Variants in SNTB1 observed in about 807,000 individuals in gnomAD.
The protein encoded by SNTB1 is beta-1-syntrophin.
A neutral mutation model predicts 48.9 loss-of-function variants in SNTB1; 36 were observed. The ratio of observed to expected loss-of-function variants is 0.74; its 90% confidence interval spans 0.56 to 0.97. The LOEUF is 0.97. Among genes scored for constraint, SNTB1 ranks in the 50% least tolerant of loss-of-function variants. The probability of loss-of-function intolerance (pLI) is 0.00; values close to 1 mark genes in which losing one functional copy is unlikely to be tolerated. For synonymous variants in SNTB1, 299 were observed against 294.6 expected (o/e 1.01, Z -0.15); for missense variants, 786 against 703.4 (o/e 1.12, Z -1.33).
intron 1 of SNTB1, among the ~76,000 whole-genome samples, chr8:120,751,110 G>A (rs1169055803): frequency 6.6e-6 from 1 of 152,164 alleles, no homozygotes; most frequent in African/African-American, 2.4e-5. Context: ...TCACAGAATG[G>A]AGAAGTTCTG....
chr8:120,752,399 G>T (rs749365618), intron 1 of SNTB1, among the ~76,000 whole-genome samples: 1 of 152,008 alleles, frequency 6.6e-6, no homozygotes. Context: ...TAACTTCCCT[G>T]ACCACCCTCA....
At position 120,812,010 on chromosome 8, in the gene SNTB1, A is replaced by C; in HGVS notation, c.-167T>G. On this transcript the variant is annotated 5_prime_UTR_variant, in exon 1 of 7. Transcript: ENST00000517992. Reference sequence around the variant, plus strand: ...GGAGTTCGCAGACGCACTCGGCGGGAGTTGGCAGCTGCACTCAGGCTGGTT... The same window carrying C: ...GGAGTTCGCAGACGCACTCGGCGGGCGTTGGCAGCTGCACTCAGGCTGGTT... 2.4e-6 allele frequency: 3 copies of C among 1,267,236 alleles called. No homozygotes were observed. The highest frequency in any genetic ancestry group is 3.0e-6 in the Non-Finnish European group (3 of 1,012,326). The allele number at this position is 1,267,236 out of a possible 1,614,324, so 78.5% of individuals were successfully genotyped here.
chr8:120,731,654 A>G (rs917549474), intron 1 of SNTB1, among the ~76,000 whole-genome samples: 4 of 152,226 alleles, frequency 2.6e-5, no homozygotes, highest in Admixed American at 2.0e-4. Context: ...CTCATTTTAC[A>G]TGGCAGGGGC....
intron 2 of SNTB1, among the ~76,000 whole-genome samples, chr8:120,692,458 C>T (rs888012429): frequency 3.3e-5 from 5 of 152,250 alleles, no homozygotes; most frequent in Non-Finnish European, 7.4e-5. Flanking sequence ...TTTGCTGGCT[C>T]GATCCCTCGC....
At chr8:120,658,703 G>A (rs942435135) in intron 2 of SNTB1, among the ~76,000 whole-genome samples, 12 of 152,176 alleles carry the variant, frequency 7.9e-5, no homozygotes, top group African/African-American at 2.9e-4. Flanking sequence ...TCTTTTTGCT[G>A]GTGGAGGGCC....
At chr8:120,556,154 T>C (rs573536441) in intron 4 of SNTB1, among the ~76,000 whole-genome samples, 1 of 152,212 alleles carries the variant, frequency 6.6e-6, no homozygotes, top group African/African-American at 2.4e-5. Context: ...AAATACTGTC[T>C]CCCCTCCTAA....
At chr8:120,810,720 T>C (rs1820410232) in intron 1 of SNTB1, among the ~76,000 whole-genome samples, 1 of 152,128 alleles carries the variant, frequency 6.6e-6, no homozygotes, top group East Asian at 1.9e-4. Flanking sequence ...AGAAGGATAG[T>C]CGGAGTTTTA....
intron 3 of SNTB1, among the ~76,000 whole-genome samples, chr8:120,593,917 C>G (rs1437264381): frequency 6.6e-6 from 1 of 152,094 alleles, no homozygotes; most frequent in Non-Finnish European, 1.5e-5. Context: ...TGGCATCAGG[C>G]AGGGGAGAGA....
At chr8:120,603,126 G>C (rs770978771) in intron 3 of SNTB1, among the ~76,000 whole-genome samples, 1 of 149,934 alleles carries the variant, frequency 6.7e-6, no homozygotes, top group East Asian at 1.9e-4. Flanking sequence ...TTTTTGAGAC[G>C]GGGTTTCGCT....
At chr8:120,762,133 C>T (rs1819431036) in intron 1 of SNTB1, among the ~76,000 whole-genome samples, 1 of 152,184 alleles carries the variant, frequency 6.6e-6, no homozygotes. Context: ...TTTGATTACT[C>T]ATTATGTCCT....
In SNTB1 at chr8:120,794,637, G is replaced by T. The variant is rs938416896; in HGVS notation, c.571+16636C>A. 5.9e-5 allele frequency among the ~76,000 whole-genome samples: 9 copies of T among 152,120 alleles called. No individual in the cohort carries two copies. In the South Asian group the frequency reaches 1.9e-3, roughly 32 times the overall value. ...ATTCTTTGATTTTCACTTGGTAAGT[G>T]CTTTAGGTTATTTGGTAATATTAGT... On this transcript the variant is annotated intron_variant, in intron 1 of 6. Coordinates refer to ENST00000517992, the MANE Select transcript of SNTB1 (RefSeq NM_021021.4).
intron 1 of SNTB1, among the ~76,000 whole-genome samples, chr8:120,696,762 A>G (rs1351978541): frequency 6.6e-6 from 1 of 152,182 alleles, no homozygotes; most frequent in Non-Finnish European, 1.5e-5. Flanking sequence ...GATGCTCAGA[A>G]TTTTAGCTTA....
At chr8:120,803,346 T>C (rs1820264209) in intron 1 of SNTB1, among the ~76,000 whole-genome samples, 1 of 152,180 alleles carries the variant, frequency 6.6e-6, no homozygotes, top group Non-Finnish European at 1.5e-5. Context: ...GTGGGTATTA[T>C]ATATTTTTGT....
intron 1 of SNTB1, chr8:120,769,347 T>C (rs1819580384): frequency 6.6e-6 from 1 of 152,192 alleles, no homozygotes; most frequent in African/African-American, 2.4e-5. Context: ...ATAGTAAATA[T>C]GACCGCACCT....
At chr8:120,674,551 A>G (rs1181100260) in intron 2 of SNTB1, among the ~76,000 whole-genome samples, 4 of 152,246 alleles carry the variant, frequency 2.6e-5, no homozygotes, top group African/African-American at 9.6e-5. Context: ...CTGAACAGCA[A>G]TAGGCTGTGG....
intron 1 of SNTB1, among the ~76,000 whole-genome samples, chr8:120,802,353 C>A (rs967501065): frequency 6.6e-6 from 1 of 152,078 alleles, no homozygotes; most frequent in African/African-American, 2.4e-5. Flanking sequence ...TAGGTTAAAT[C>A]TTTATGTATT....
chr8:120,772,742 A>C (rs1007175657), intron 1 of SNTB1, among the ~76,000 whole-genome samples: 2 of 152,118 alleles, frequency 1.3e-5, no homozygotes, highest in African/African-American at 4.8e-5. Context: ...AAATTGATGG[A>C]CTCTGGCATC....
chr8:120,752,971 A>G (rs1246327335), intron 1 of SNTB1, among the ~76,000 whole-genome samples: 1 of 149,864 alleles, frequency 6.7e-6, no homozygotes, highest in African/African-American at 2.5e-5. Context: ...CCCTGAGCCT[A>G]AAACAAAAGC....
At chr8:120,748,626 A>G (rs1209658497) in intron 1 of SNTB1, among the ~76,000 whole-genome samples, 1 of 152,228 alleles carries the variant, frequency 6.6e-6, no homozygotes, top group African/African-American at 2.4e-5. Flanking sequence ...TCAATTTACT[A>G]TGAACCTTCA....
Sources: gnomAD v4.1 joint callset for allele counts (sites outside exome capture counted in the v4.1 genomes callset) on GRCh38, gnomAD v4.1.1 for gene constraint, MANE v1.5 for transcripts, NCBI Gene and HGNC (gene_info 2026-07-23, HGNC 2026-07-21) for gene names.